DNPEP: variants seen among roughly 807,000 people sequenced by gnomAD.
The protein encoded by DNPEP is aspartyl aminopeptidase.
Under a neutral mutation model 59.1 loss-of-function variants are expected in DNPEP, and 46 were observed. The observed-to-expected ratio is 0.78, with a 90% CI of 0.61 to 0.99. The LOEUF is 0.99. DNPEP is among the 50% of genes least tolerant of loss of function. The pLI is 0.00. For missense variants in DNPEP, 617 were observed against 649.9 expected (o/e 0.95, Z 0.55); for synonymous variants, 229 against 242.2 (o/e 0.95, Z 0.50).
intron 8 of DNPEP, chr2:219,384,808 AT>A (rs1237056686): frequency 4.9e-6 from 1 of 202,430 alleles, no homozygotes. Context: ...ACCTCATGTG[AT>A]TCCCCCCGCC....
intron 9 of DNPEP, 58 bp from the exon 10 acceptor site, chr2:219,383,272 C>G (rs1953675736): frequency 6.7e-7 from 1 of 1,484,934 alleles, no homozygotes; most frequent in Admixed American, 1.7e-5. Context: ...TGGAACTCAG[C>G]CCACCAGCAC....
chr2:219,383,028 T>C (rs1398294781), intron 10 of DNPEP, 103 bp downstream of exon 10: 2 of 1,046,362 alleles, frequency 1.9e-6, no homozygotes, highest in Non-Finnish European at 2.9e-6. Flanking sequence ...CTCCCCTGTC[T>C]TGGGGCCCCC....
chr2:219,390,406 A>G (rs1372123049), upstream of DNPEP, among the ~76,000 whole-genome samples: 3 of 152,270 alleles, frequency 2.0e-5, no homozygotes, highest in Non-Finnish European at 4.4e-5. Context: ...CCTAGAAAAT[A>G]TAAAAGTAAA....
intron 1 of DNPEP, among the ~76,000 whole-genome samples, chr2:219,394,787 C>G (rs2125152782): frequency 6.6e-6 from 1 of 152,252 alleles, no homozygotes; most frequent in South Asian, 2.1e-4. Context: ...ATATGTGTGC[C>G]TAATAGGAAT....
intron 13 of DNPEP, among the ~76,000 whole-genome samples, chr2:219,377,991 G>A (rs1186767433): frequency 6.7e-6 from 1 of 149,324 alleles, no homozygotes; most frequent in Non-Finnish European, 1.5e-5. Flanking sequence ...TGAGTGAAAA[G>A]AGGCAACAAA....
chr2:219,388,742 C>A, upstream of DNPEP: 1 of 985,520 alleles, frequency 1.0e-6, no homozygotes, highest in Non-Finnish European at 1.2e-6. Flanking sequence ...TCTCTCGCCA[C>A]AGCCACCTTT....
chr2:219,386,877 C>T lies in DNPEP; in HGVS notation c.219+15G>A, dbSNP rs2125143573. ...CTAGGGACCTGCCTTTCCACCCCCACCCCACCCCCAGTACCTTGCTCTCGG... is the reference window on the plus strand; with the variant it reads ...CTAGGGACCTGCCTTTCCACCCCCATCCCACCCCCAGTACCTTGCTCTCGG... On this transcript the variant is annotated intron_variant, in intron 3 of 14. Transcript: ENST00000273075. 6.2e-7 allele frequency: 1 copy of T among 1,607,114 alleles called. No homozygotes were observed. Among genetic ancestry groups the T allele is most frequent in the Non-Finnish European group, 8.5e-7 (1 of 1,173,702 alleles).
At position 219,372,891 on chromosome 2, in the gene DNPEP, T is replaced by C. The variant is rs373317237; in HGVS notation, c.*1401A>G. Among the ~76,000 whole-genome samples the C allele has an allele frequency of 4.6e-5, 7 of 152,326 alleles. No individual in the cohort carries two copies. The East Asian group carries it at 1.2e-3, about 25-fold the overall frequency. On this transcript the variant is annotated 3_prime_UTR_variant, in exon 15 of 15. Transcript: ENST00000273075. ...TTTTGCCATTGCTAAATTAAATTTA[T>C]ATGTATTGATATAGAAATATCTCTA... is the stretch of plus-strand genomic sequence containing the variant.
At chr2:219,375,355 G>A (rs1953329400) in intron 13 of DNPEP, among the ~76,000 whole-genome samples, 1 of 151,888 alleles carries the variant, frequency 6.6e-6, no homozygotes, top group African/African-American at 2.4e-5. Context: ...TAAAAATATT[G>A]CTACTGACAT....
At chr2:219,385,591 G>A (rs1357545083) in intron 7 of DNPEP, 40 bp downstream of exon 7, 4 of 1,610,278 alleles carry the variant, frequency 2.5e-6, no homozygotes, top group Non-Finnish European at 3.4e-6. Flanking sequence ...ACTTCTCAGG[G>A]GACTCTGCCG....
chr2:219,390,115 A>C (rs1367180636), upstream of DNPEP, among the ~76,000 whole-genome samples: 6 of 152,238 alleles, frequency 3.9e-5, 1 homozygote, highest in Admixed American at 3.9e-4. Context: ...CACGCCTGTC[A>C]TCCCAGCATT....
intron 13 of DNPEP, among the ~76,000 whole-genome samples, chr2:219,376,536 T>C (rs1953381456): frequency 6.6e-6 from 1 of 152,010 alleles, no homozygotes; most frequent in Admixed American, 6.6e-5. Context: ...AAATCTTTCT[T>C]TGTCACTATT....
At chr2:219,396,397 T>C (rs1235406846) in intron 1 of DNPEP, among the ~76,000 whole-genome samples, 2 of 151,968 alleles carry the variant, frequency 1.3e-5, no homozygotes, top group Non-Finnish European at 2.9e-5. Flanking sequence ...AGACCAGCCT[T>C]ACCAACATGG....
At chr2:219,386,184 C>T in intron 5 of DNPEP, 86 bp from the exon 6 acceptor site, 1 of 1,608,604 alleles carries the variant, frequency 6.2e-7, no homozygotes, top group Admixed American at 1.7e-5. Flanking sequence ...CAGGGTGGTC[C>T]TCTGACCAGA....
chr2:219,384,503 T>C, intron 8 of DNPEP, 60 bp from the exon 9 acceptor site: 1 of 1,459,892 alleles, frequency 6.8e-7, no homozygotes, highest in South Asian at 1.2e-5. Flanking sequence ...ACCTTTCTTT[T>C]GCTCCCAAGG....
upstream of DNPEP, among the ~76,000 whole-genome samples, chr2:219,393,089 C>T (rs1954043869): frequency 6.6e-6 from 1 of 152,124 alleles, no homozygotes; most frequent in South Asian, 2.1e-4. Flanking sequence ...TTCCCTGGGC[C>T]ACATTGGAAG....
Position 219,383,113 on chromosome 2 carries a change from C to G in DNPEP, c.936+18G>C. On this transcript the variant is annotated intron_variant, in intron 10 of 14. Coordinates refer to ENST00000273075, the MANE Select transcript of DNPEP (RefSeq NM_012100.4). The stretch of plus-strand genomic sequence containing the variant: ...GAAGACTCCGCAGAGGTGACCCTCC[C>G]CAGAACCCTCCACGTACCTCTTCGT... The G allele has an allele frequency of 1.2e-6, 2 of 1,612,030 alleles. No homozygotes were observed. The highest frequency in any genetic ancestry group is 1.7e-6 in the Non-Finnish European group (2 of 1,178,126).
chr2:219,374,323 G>A lies in DNPEP; in HGVS notation c.1427C>T (p.Pro476Leu), dbSNP rs1326485517. 1.2e-6 allele frequency: 2 copies of A among 1,613,988 alleles called. No homozygotes were observed. The highest frequency in any genetic ancestry group is 2.2e-5 in the East Asian group (1 of 44,898). ...TLFKGFFELF[P>L]SLSHNLLVD ...CACTAAGAGATTATGGCTTAGAGAA[G>A]GGAACAGCTCAAAGAAGCCCTATAA... is the stretch of plus-strand genomic sequence containing the variant. The change falls in exon 15 of 15, where the codon CCT becomes CTT. Residue 476 changes from proline (P) to leucine (L), a missense_variant. Coordinates refer to ENST00000273075, the MANE Select transcript of DNPEP (RefSeq NM_012100.4).
intron 11 of DNPEP, 120 bp downstream of exon 11, chr2:219,381,859 C>A: frequency 7.7e-7 from 1 of 1,301,310 alleles, no homozygotes; most frequent in South Asian, 1.4e-5. Flanking sequence ...TGCCCGTGAA[C>A]CTCCCGGCAG....
Sources: allele counts gnomAD v4.1 joint callset (sites outside exome capture counted in the v4.1 genomes callset), GRCh38; gene constraint gnomAD v4.1.1; transcripts MANE v1.5; gene names NCBI Gene and HGNC (gene_info 2026-07-23, HGNC 2026-07-21).